The following AXL variants were observed in gnomAD, a reference collection of about 807,000 sequenced individuals.
The protein encoded by AXL is AXL receptor tyrosine kinase.
Under a neutral mutation model 104.5 loss-of-function variants are expected in AXL, and 52 were observed. The observed-to-expected ratio is 0.50, with a 90% confidence interval of 0.40 to 0.63. The LOEUF is 0.63. AXL is among the 20% of genes least tolerant of loss of function. AXL has a pLI of 0.00. For synonymous variants in AXL, 455 were observed against 473.7 expected (o/e 0.96, Z 0.51); for missense variants, 1,024 against 1,188.5 (o/e 0.86, Z 2.04).
intron 10 of AXL, among the ~76,000 whole-genome samples, chr19:41,240,934 T>C (rs188885346): frequency 3.7e-4 from 57 of 152,236 alleles, no homozygotes; most frequent in African/African-American, 1.2e-3. Context: ...ACACTCACCC[T>C]GAACCCCTTG....
Position 41,252,144 on chromosome 19 carries a change from A to T in AXL, c.1712-207A>T, listed in dbSNP as rs539925009. Among the ~76,000 whole-genome samples the T allele has an allele frequency of 6.8e-3, 986 of 145,116 alleles. 12 individuals are homozygous for T. The highest frequency in any genetic ancestry group is 0.023 in the African/African-American group (911 of 39,946). The stretch of plus-strand genomic sequence containing the variant: ...AAAAAAAAAAGAAAATATATATTTT[A>T]TATATATATATATATTATATACACA... On this transcript the variant is annotated intron_variant, in intron 14 of 19. Transcript: ENST00000301178.
At chr19:41,241,270 A>G (rs1198756755) in intron 10 of AXL, among the ~76,000 whole-genome samples, 1 of 152,120 alleles carries the variant, frequency 6.6e-6, no homozygotes, top group Non-Finnish European at 1.5e-5. Context: ...GGCCGGGTGC[A>G]ATGGCTCACG....
rs80091624 is a variant in AXL at position 41,239,635 on chromosome 19, G to A, written c.1286-59G>A. On this transcript the variant is annotated intron_variant, in intron 9 of 19. Coordinates refer to ENST00000301178, the MANE Select transcript of AXL (RefSeq NM_021913.5). ...GTGCCACACCCTTACTCCCTTACCC[G>A]TGCCACGCCAGTCTTGTCCTCTCTG... is the stretch of plus-strand genomic sequence containing the variant. The A allele has an allele frequency of 5.0e-3, 8,076 of 1,607,772 alleles. 352 individuals are homozygous for A. In the African/African-American group the frequency reaches 0.092, roughly 18 times the overall value.
intron 6 of AXL, among the ~76,000 whole-genome samples, chr19:41,232,292 C>T (rs1295901436): frequency 6.6e-6 from 1 of 152,174 alleles, no homozygotes; most frequent in African/African-American, 2.4e-5. Context: ...ATGAGCTAGA[C>T]CCAGCCTCTG....
At chr19:41,226,518 T>C (rs12462203) in intron 4 of AXL, among the ~76,000 whole-genome samples, 79,157 of 152,096 alleles carry the variant, frequency 0.52, 21,547 homozygotes, top group African/African-American at 0.67. Context: ...TACCCTCCCC[T>C]TTCCGGCCTC....
rs2034513898 is a variant in AXL, at chr19:41,260,045, G to A, written c.*141G>A. 1.4e-6 allele frequency: 1 copy of A among 707,810 alleles called. No homozygotes were observed. The highest frequency in any genetic ancestry group is 2.3e-6 in the Non-Finnish European group (1 of 438,600). The allele number at this position is 707,810 out of a possible 1,614,324, so 43.8% of individuals were successfully genotyped here. A position where few individuals can be genotyped will look rare whatever the true frequency, so the allele number is the denominator to read the frequency against. On this transcript the variant is annotated 3_prime_UTR_variant, in exon 20 of 20. Coordinates refer to ENST00000301178, the MANE Select transcript of AXL (RefSeq NM_021913.5). ...TCCTACCTATCCCACCTCCATCCCA[G>A]ACAGGTCCCTCCCCTTCTCTGTGCA...
At position 41,256,599 on chromosome 19, in the gene AXL, C is replaced by T. The variant is rs2034456570; in HGVS notation, c.2184C>T (p.Ser728=). ...IESLADRVYT[S]KSDVWSFGVT... ...GTCTAGCTGACCGTGTCTACACCAGCAAGAGCGATGTGGTAGGTGCACTCC... is the reference window on the plus strand; with the variant it reads ...GTCTAGCTGACCGTGTCTACACCAGTAAGAGCGATGTGGTAGGTGCACTCC... The change falls in exon 18 of 20, where the codon AGC becomes AGT. Residue 728 remains serine (S), a synonymous_variant. Coordinates refer to ENST00000301178, the MANE Select transcript of AXL (RefSeq NM_021913.5). 1.1e-5 allele frequency: 17 copies of T among 1,613,954 alleles called. No homozygotes were observed. Among genetic ancestry groups the T allele is most frequent in the Non-Finnish European group, 1.4e-5 (17 of 1,179,844 alleles).
intron 12 of AXL, among the ~76,000 whole-genome samples, chr19:41,245,850 G>T (rs1482228605): frequency 6.6e-6 from 1 of 152,138 alleles, no homozygotes; most frequent in Non-Finnish European, 1.5e-5. Context: ...GTTTGGAAAG[G>T]GCTGGGAAAG....
chr19:41,249,007 G>T (rs543597239), intron 14 of AXL, among the ~76,000 whole-genome samples, 187 bp downstream of exon 14: 28 of 152,248 alleles, frequency 1.8e-4, no homozygotes, highest in Non-Finnish European at 3.7e-4. Context: ...GAGACGGGTT[G>T]AAGGAACAAC....
chr19:41,231,362 C>A, intron 6 of AXL, 64 bp downstream of exon 6: 1 of 1,426,316 alleles, frequency 7.0e-7, no homozygotes, highest in South Asian at 1.3e-5. Context: ...CCACAACCCC[C>A]ATCCTCTCCC....
At chr19:41,231,946 C>CAAA (rs1568410967) in intron 6 of AXL, among the ~76,000 whole-genome samples, 1 of 133,640 alleles carries the variant, frequency 7.5e-6, no homozygotes, top group African/African-American at 3.4e-5. Context: ...AAAGAAACAA[C>CAAA]AACAAAAAAA....
chr19:41,257,091 T>C (rs1417689503), intron 18 of AXL, among the ~76,000 whole-genome samples: 1 of 152,172 alleles, frequency 6.6e-6, no homozygotes, highest in Non-Finnish European at 1.5e-5. Context: ...TCACCCAGGC[T>C]GCAGTGCAAT....
At chr19:41,221,075 G>A (rs1460833321) in intron 2 of AXL, 71 bp from the exon 3 acceptor site, 13 of 1,435,578 alleles carry the variant, frequency 9.1e-6, no homozygotes, top group African/African-American at 2.8e-5. Context: ...CCCTCTTTCC[G>A]TTCTGACAGA....
At chr19:41,225,579 G>A (rs1014373328) in intron 4 of AXL, among the ~76,000 whole-genome samples, 4 of 152,278 alleles carry the variant, frequency 2.6e-5, no homozygotes, top group East Asian at 3.9e-4. Flanking sequence ...ACATTGCGTC[G>A]CTAGGTGTTT....
intron 2 of AXL, 53 bp downstream of exon 2, chr19:41,220,911 G>C: frequency 6.3e-7 from 1 of 1,587,872 alleles, no homozygotes; most frequent in East Asian, 2.3e-5. Flanking sequence ...ACAGAGGGCA[G>C]AAAGCCCACC....
rs751098286 is a variant in AXL at position 41,239,198 on chromosome 19, C to A, written c.1169C>A (p.Thr390Asn). 6.2e-6 allele frequency: 10 copies of A among 1,613,160 alleles called. No individual in the cohort carries two copies. The highest frequency in any genetic ancestry group is 8.5e-6 in the Non-Finnish European group (10 of 1,179,538). The change falls in exon 9 of 20, where the codon ACC (threonine) becomes AAC (asparagine). Residue 390 changes from threonine (T) to asparagine (N), a missense_variant. Coordinates refer to ENST00000301178, the MANE Select transcript of AXL (RefSeq NM_021913.5). ...GACATAGGGCTAAGGCAAGAGGTGACCCTGGAGCTGCAGGGGGACGGGTCT... is the reference window on the plus strand; with the variant it reads ...GACATAGGGCTAAGGCAAGAGGTGAACCTGGAGCTGCAGGGGGACGGGTCT... ...LMDIGLRQEV[T>N]LELQGDGSVS...
rs1192759044 is a variant in AXL, at chr19:41,233,043, G to T, written c.783+1745G>T. On this transcript the variant is annotated intron_variant, in intron 6 of 19. Transcript: ENST00000301178. The stretch of plus-strand genomic sequence containing the variant: ...CTCGCTCTGTTACCCAGACTGGAGT[G>T]CTGTGGCGTGATCACGGCTTATTGC... Among the ~76,000 whole-genome samples, 3 of 151,668 alleles carry T rather than the reference G, an allele frequency of 2.0e-5. No individual in the cohort carries two copies. The East Asian group carries it at 5.8e-4, about 29-fold the overall frequency.
At chr19:41,256,734 C>T in intron 18 of AXL, 123 bp downstream of exon 18, 2 of 1,328,316 alleles carry the variant, frequency 1.5e-6, no homozygotes, top group East Asian at 2.5e-5. Flanking sequence ...TTTGCAGGGG[C>T]TTGTCCACAT....
intron 14 of AXL, among the ~76,000 whole-genome samples, chr19:41,249,846 C>T (rs2034333503): frequency 6.6e-6 from 1 of 152,098 alleles, no homozygotes; most frequent in African/African-American, 2.4e-5. Context: ...GGGTGAAATA[C>T]CCTGGCTTCT....
Sources: gnomAD v4.1 joint callset for allele counts (sites outside exome capture counted in the v4.1 genomes callset) on GRCh38, gnomAD v4.1.1 for gene constraint, MANE v1.5 for transcripts, NCBI Gene and HGNC (gene_info 2026-07-23, HGNC 2026-07-21) for gene names.